Variants in CADPS observed in about 807,000 individuals in gnomAD.
The protein encoded by CADPS is calcium dependent secretion activator, also known as calcium-dependent secretion activator 1.
Under a neutral mutation model 167.3 loss-of-function variants are expected in CADPS, and 57 were observed. That is an observed-to-expected ratio of 0.34 (90% CI 0.28 to 0.42). The LOEUF (loss-of-function observed/expected upper bound fraction) is 0.42. Ranked by LOEUF, CADPS falls within the 20% of genes least tolerant of loss-of-function variation. The probability of loss-of-function intolerance (pLI) is 1.00; values close to 1 mark genes in which losing one functional copy is unlikely to be tolerated. For missense variants in CADPS, 1,414 were observed against 1,738.1 expected (o/e 0.81, Z 3.32); for synonymous variants, 676 against 635.3 (o/e 1.06, Z -0.96).
intron 27 of CADPS, among the ~76,000 whole-genome samples, chr3:62,441,754 A>G (rs2056347478): frequency 6.6e-6 from 1 of 152,184 alleles, no homozygotes; most frequent in African/African-American, 2.4e-5. Context: ...AATCTGAAGG[A>G]CCTGGGGAGC....
chr3:62,811,722 C>T (rs1017308416), intron 1 of CADPS, among the ~76,000 whole-genome samples: 3 of 152,176 alleles, frequency 2.0e-5, no homozygotes, highest in Non-Finnish European at 4.4e-5. Context: ...AGGGCAAGGG[C>T]TGGTGCGTAT....
chr3:62,483,591 A>G (rs2150898352), intron 21 of CADPS, among the ~76,000 whole-genome samples: 1 of 152,296 alleles, frequency 6.6e-6, no homozygotes, highest in Admixed American at 6.5e-5. Context: ...TACACCTCAC[A>G]TTTTGGGAAA....
chr3:62,667,661 C>G (rs1426939472), intron 3 of CADPS, among the ~76,000 whole-genome samples: 3 of 152,016 alleles, frequency 2.0e-5, no homozygotes, highest in Non-Finnish European at 4.4e-5. Flanking sequence ...AATCCTACAC[C>G]AAGGCAACCT....
At chr3:62,677,061 G>A (rs775312342) in intron 3 of CADPS, among the ~76,000 whole-genome samples, 1 of 152,030 alleles carries the variant, frequency 6.6e-6, no homozygotes, top group Non-Finnish European at 1.5e-5. Flanking sequence ...TGGCCAACAC[G>A]GGAGAACAGC....
chr3:62,626,423 C>A (rs921195186), intron 6 of CADPS: 1 of 687,962 alleles, frequency 1.5e-6, no homozygotes. Context: ...AATACACAGA[C>A]TATAGTGAAA....
intron 1 of CADPS, among the ~76,000 whole-genome samples, chr3:62,811,105 A>G (rs778494943): frequency 3.3e-5 from 5 of 152,202 alleles, no homozygotes; most frequent in Non-Finnish European, 7.3e-5. Context: ...TTGATGCCCC[A>G]ACAAAAGCTG....
At chr3:62,745,786 C>T (rs1293225421) in intron 3 of CADPS, among the ~76,000 whole-genome samples, 1 of 152,220 alleles carries the variant, frequency 6.6e-6, no homozygotes, top group African/African-American at 2.4e-5. Flanking sequence ...TCTGCATTTA[C>T]TGATTTAGTC....
chr3:62,649,232 T>C (rs1043116786), intron 5 of CADPS, among the ~76,000 whole-genome samples: 4 of 152,126 alleles, frequency 2.6e-5, no homozygotes, highest in African/African-American at 9.7e-5. Context: ...ATAAGAAGCA[T>C]GTAGGGGCTG....
At chr3:62,592,283 T>C (rs941656648) in intron 7 of CADPS, among the ~76,000 whole-genome samples, 3 of 152,162 alleles carry the variant, frequency 2.0e-5, no homozygotes, top group African/African-American at 7.2e-5. Flanking sequence ...GACTTTAACA[T>C]TGTCAGGTGG....
chr3:62,408,960 C>A (rs2048421626), intron 28 of CADPS, among the ~76,000 whole-genome samples: 1 of 152,232 alleles, frequency 6.6e-6, no homozygotes, highest in Admixed American at 6.5e-5. Flanking sequence ...CTAATATACA[C>A]CCATATGCAC....
At chr3:62,718,417 T>C (rs2075101156) in intron 3 of CADPS, among the ~76,000 whole-genome samples, 1 of 152,248 alleles carries the variant, frequency 6.6e-6, no homozygotes, top group South Asian at 2.1e-4. Context: ...TTCTAGACTG[T>C]TATCTTTGAA....
At chr3:62,611,510 T>C (rs563570731) in intron 6 of CADPS, among the ~76,000 whole-genome samples, 20 of 152,322 alleles carry the variant, frequency 1.3e-4, no homozygotes, top group African/African-American at 4.6e-4. Context: ...CAGCTCTCAC[T>C]ACTTTTCTGT....
chr3:62,560,804 G>A (rs1319655683), intron 9 of CADPS, among the ~76,000 whole-genome samples: 1 of 152,128 alleles, frequency 6.6e-6, no homozygotes, highest in Non-Finnish European at 1.5e-5. Context: ...TGGTGGGCTG[G>A]GCGCAGTGGC....
At chr3:62,543,329 A>T (rs1277297977) in intron 11 of CADPS, among the ~76,000 whole-genome samples, 1 of 152,190 alleles carries the variant, frequency 6.6e-6, no homozygotes, top group East Asian at 1.9e-4. Context: ...TACAGAAAGG[A>T]ATTAAGGCAA....
At chr3:62,792,269 C>G (rs1374292915) in intron 1 of CADPS, among the ~76,000 whole-genome samples, 3 of 151,318 alleles carry the variant, frequency 2.0e-5, no homozygotes, top group African/African-American at 7.3e-5. Flanking sequence ...GTGATCACAG[C>G]TCACTGCAAC....
rs1378311607 is a variant in CADPS at position 62,455,601 on chromosome 3, T to C, written c.3636+9766A>G. Among the ~76,000 whole-genome samples, 1 of 152,190 alleles carries C rather than the reference T, an allele frequency of 6.6e-6. No homozygotes were observed. The highest frequency in any genetic ancestry group is 1.5e-5 in the Non-Finnish European group (1 of 68,032). Reference sequence around the variant, plus strand: ...ACTTGGAAGTGCAAATTGGAAAGTTTTAATTTTGTAAAATCTCCAAGCAGA... The same window carrying C: ...ACTTGGAAGTGCAAATTGGAAAGTTCTAATTTTGTAAAATCTCCAAGCAGA... On this transcript the variant is annotated intron_variant, in intron 26 of 29. Coordinates refer to ENST00000383710, the MANE Select transcript of CADPS (RefSeq NM_003716.4). The surrounding 1 kb of genome is among the most constrained non-coding windows in gnomAD (Gnocchi z 4.4).
At chr3:62,639,464 C>G (rs1285123688) in intron 6 of CADPS, among the ~76,000 whole-genome samples, 3 of 152,120 alleles carry the variant, frequency 2.0e-5, no homozygotes. Context: ...GCTACTGAGG[C>G]TCCTGGAATA....
chr3:62,482,593 C>T (rs1048876640), intron 21 of CADPS, among the ~76,000 whole-genome samples: 2 of 152,188 alleles, frequency 1.3e-5, no homozygotes, highest in Non-Finnish European at 2.9e-5. Context: ...CACACAGAAA[C>T]AGACACCAAG....
chr3:62,812,530 C>A (rs2094435459), intron 1 of CADPS, among the ~76,000 whole-genome samples: 1 of 152,256 alleles, frequency 6.6e-6, no homozygotes, highest in Non-Finnish European at 1.5e-5. Context: ...AATCACACAT[C>A]AAGAGTCATT....
Sources: gnomAD v4.1 joint callset for allele counts (sites outside exome capture counted in the v4.1 genomes callset) on GRCh38, gnomAD v4.1.1 for gene constraint, Gnocchi (gnomAD v3.1) non-coding constraint, MANE v1.5 for transcripts, NCBI Gene and HGNC (gene_info 2026-07-23, HGNC 2026-07-21) for gene names.